SLC22A24: variants seen among roughly 807,000 people sequenced by gnomAD.
The protein encoded by SLC22A24 is steroid transmembrane transporter SLC22A24.
A neutral mutation model predicts 49.8 loss-of-function variants in SLC22A24; 53 were observed. The ratio of observed to expected loss-of-function variants is 1.06; its 90% CI spans 0.85 to 1.34. The LOEUF (loss-of-function observed/expected upper bound fraction) is 1.34. SLC22A24 is among the 40% of genes most tolerant of loss of function. The pLI is 0.00. For missense variants in SLC22A24, 786 were observed against 675.9 expected (o/e 1.16, Z -1.81); for synonymous variants, 302 against 256.4 (o/e 1.18, Z -1.70).
intron 1 of SLC22A24, 25 bp from the exon 2 acceptor site, chr11:63,134,793 G>A (rs2087362114): frequency 6.7e-7 from 1 of 1,489,016 alleles, no homozygotes; most frequent in Non-Finnish European, 9.2e-7. Context: ...AAGCAGTACA[G>A]CAGAGCTTGA....
At position 63,118,908 on chromosome 11, in the gene SLC22A24, A is replaced by G; in HGVS notation, c.830+4T>C. 9 of 1,552,090 alleles carry G rather than the reference A, an allele frequency of 5.8e-6. No individual in the cohort carries two copies. Among genetic ancestry groups the G allele is most frequent in the Non-Finnish European group, 7.8e-6 (9 of 1,147,042 alleles). On this transcript the variant is annotated splice_donor_region_variant and intron_variant, in intron 4 of 9. Coordinates refer to ENST00000612278, the MANE Select transcript of SLC22A24 (RefSeq NM_001136506.2). ...CAGGCAAAGAATGTGGAGATTGTTC[A>G]TACCAAGAGGACAAGAAGAGGACAA...
intron 1 of SLC22A24, among the ~76,000 whole-genome samples, chr11:63,142,557 C>T (rs1033438527): frequency 5.9e-5 from 9 of 152,154 alleles, no homozygotes; most frequent in African/African-American, 2.2e-4. Context: ...ACTAGATTAA[C>T]GTTAGCCACA....
intron 6 of SLC22A24, among the ~76,000 whole-genome samples, chr11:63,090,108 CAAAG>C (rs2087011011): frequency 2.7e-5 from 3 of 112,068 alleles, no homozygotes; most frequent in African/African-American, 9.9e-5. Flanking sequence ...AAAAAAAAGA[CAAAG>C]AATGGCATTA....
chr11:63,083,210 T>C (rs924281347), intron 7 of SLC22A24, 33 bp downstream of exon 7: 1 of 1,515,254 alleles, frequency 6.6e-7, no homozygotes, highest in Non-Finnish European at 9.0e-7. Flanking sequence ...TGGGGGTAAC[T>C]ACTTTCTTTC....
chr11:63,115,029 C>A (rs2087201896), intron 4 of SLC22A24, among the ~76,000 whole-genome samples: 1 of 152,216 alleles, frequency 6.6e-6, no homozygotes, highest in South Asian at 2.1e-4. Flanking sequence ...CAGGGACCCA[C>A]TTGAGGAGGC....
intron 1 of SLC22A24, among the ~76,000 whole-genome samples, chr11:63,139,900 TC>T (rs1346287949): frequency 6.6e-6 from 1 of 151,702 alleles, no homozygotes; most frequent in African/African-American, 2.4e-5. Context: ...ATTCTCTTTA[TC>T]TGTATTTATA....
intron 6 of SLC22A24, among the ~76,000 whole-genome samples, chr11:63,088,015 T>G (rs2086997836): frequency 6.6e-6 from 1 of 152,174 alleles, no homozygotes; most frequent in African/African-American, 2.4e-5. Context: ...GCCTGCCAGC[T>G]CTGAAGAGCA....
At chr11:63,111,078 A>C (rs78598164) in intron 4 of SLC22A24, among the ~76,000 whole-genome samples, 5 of 151,134 alleles carry the variant, frequency 3.3e-5, no homozygotes, top group African/African-American at 1.2e-4. Flanking sequence ...AATTTTGTCA[A>C]AGGCCTTTTC....
At chr11:63,136,665 T>G (rs2839987) in intron 1 of SLC22A24, among the ~76,000 whole-genome samples, 118,019 of 152,176 alleles carry the variant, frequency 0.78, 47,396 homozygotes, top group East Asian at 0.9. Context: ...TTGATGAATA[T>G]GCTCTGTCTA....
At chr11:63,123,022 A>C (rs12279224) in intron 2 of SLC22A24, among the ~76,000 whole-genome samples, 36,946 of 152,090 alleles carry the variant, frequency 0.24, 5,545 homozygotes, top group Admixed American at 0.33. Flanking sequence ...TGTTAACTAA[A>C]GTAATCCTAC....
At chr11:63,126,226 C>T (rs1295203207) in intron 2 of SLC22A24, among the ~76,000 whole-genome samples, 1 of 152,158 alleles carries the variant, frequency 6.6e-6, no homozygotes, top group Admixed American at 6.5e-5. Flanking sequence ...GATGTGAAGT[C>T]TTTGCCCATG....
rs1565332264 is a variant in SLC22A24 at position 63,113,179 on chromosome 11, T to TATATATAC, written c.830+5732_830+5733insGTATATAT. ...ATATATATATACACATATATATACA[T>TATATATAC]ATATATATACACATATATATATACA... On this transcript the variant is annotated intron_variant, in intron 4 of 9. Transcript: ENST00000612278. Among the ~76,000 whole-genome samples the TATATATAC allele has an allele frequency of 6.3e-3, 29 of 4,640 alleles. 10 individuals carry two copies. Among genetic ancestry groups the TATATATAC allele is most frequent in the African/African-American group, 9.1e-3 (29 of 3,182 alleles). 3.0% of individuals were successfully genotyped at this position (4,640 alleles called of 152,430 possible).
intron 5 of SLC22A24, among the ~76,000 whole-genome samples, chr11:63,096,317 G>T (rs1482965919): frequency 2.6e-5 from 4 of 152,066 alleles, no homozygotes; most frequent in Non-Finnish European, 4.4e-5. Context: ...GAATTATATA[G>T]GAATAAAACC....
chr11:63,104,650 G>A (rs926917150), intron 4 of SLC22A24, among the ~76,000 whole-genome samples: 1 of 152,202 alleles, frequency 6.6e-6, no homozygotes, highest in East Asian at 1.9e-4. Context: ...GTCTTACCTG[G>A]TGGCAGGCAA....
intron 5 of SLC22A24, among the ~76,000 whole-genome samples, chr11:63,096,398 G>T (rs1422484086): frequency 3.9e-5 from 6 of 152,276 alleles, no homozygotes; most frequent in African/African-American, 1.2e-4. Context: ...CGGAGGAAAT[G>T]AAACGGTATT....
chr11:63,138,843 TTC>T (rs1491409618), intron 1 of SLC22A24, among the ~76,000 whole-genome samples: 2 of 150,274 alleles, frequency 1.3e-5, no homozygotes, highest in African/African-American at 4.9e-5. Flanking sequence ...ATAAGGTTTT[TTC>T]CCCCCCATGG....
intron 4 of SLC22A24, among the ~76,000 whole-genome samples, chr11:63,116,681 G>A (rs569532755): frequency 1.3e-5 from 2 of 152,112 alleles, no homozygotes; most frequent in South Asian, 4.1e-4. Context: ...AATATACTTT[G>A]TTCCTTTTTC....
At chr11:63,139,604 G>T (rs1052806533) in intron 1 of SLC22A24, among the ~76,000 whole-genome samples, 18 of 152,266 alleles carry the variant, frequency 1.2e-4, no homozygotes, top group South Asian at 4.1e-4. Context: ...ATGGGGGATG[G>T]TCTAATTATA....
chr11:63,087,392 G>A (rs1486883778), intron 6 of SLC22A24, among the ~76,000 whole-genome samples: 1 of 152,170 alleles, frequency 6.6e-6, no homozygotes, highest in Non-Finnish European at 1.5e-5. Flanking sequence ...ACATGGCCGG[G>A]TTACTACACT....
Sources: allele counts gnomAD v4.1 joint callset (sites outside exome capture counted in the v4.1 genomes callset), GRCh38; gene constraint gnomAD v4.1.1; transcripts MANE v1.5; gene names NCBI Gene and HGNC (gene_info 2026-07-23, HGNC 2026-07-21).